Variants in FREM3 observed in about 807,000 individuals in gnomAD.
FREM3 encodes FRAS1 related extracellular matrix 3.
FREM3 carries 105 observed loss-of-function variants against 129.1 expected under a neutral mutation model. The observed-to-expected ratio is 0.81, with a 90% CI of 0.69 to 0.96. FREM3 has a LOEUF of 0.96. Among genes scored for constraint, FREM3 ranks in the 40% least tolerant of loss-of-function variants. The pLI is 0.00. For synonymous variants in FREM3, 1,014 were observed against 1,044.9 expected, an observed-to-expected ratio of 0.97 and a Z score of 0.57; for missense variants, 2,593 against 2,666.3, an observed-to-expected ratio of 0.97 and a Z score of 0.61.
chr4:143,643,544 T>C (rs1391622010), intron 2 of FREM3, among the ~76,000 whole-genome samples: 1 of 151,982 alleles, frequency 6.6e-6, no homozygotes, highest in Non-Finnish European at 1.5e-5. Context: ...TCATGTTAAG[T>C]GAAATAAACC....
intron 2 of FREM3, among the ~76,000 whole-genome samples, chr4:143,662,211 C>T (rs571396782): frequency 1.3e-5 from 2 of 152,160 alleles, no homozygotes; most frequent in Non-Finnish European, 2.9e-5. Flanking sequence ...TTCCTGCTTT[C>T]TCTTGTGGGC....
intron 2 of FREM3, among the ~76,000 whole-genome samples, chr4:143,634,569 A>G (rs987597991): frequency 6.6e-6 from 1 of 152,104 alleles, no homozygotes; most frequent in Non-Finnish European, 1.5e-5. Flanking sequence ...AGCCAGAAGC[A>G]AGATGGAGGA....
intron 6 of FREM3, among the ~76,000 whole-genome samples, chr4:143,592,141 C>T (rs1410625217): frequency 5.9e-5 from 9 of 152,110 alleles, no homozygotes; most frequent in South Asian, 2.1e-4. Flanking sequence ...TGTCTCTGCA[C>T]GTGAGATGGG....
chr4:143,627,676 T>G lies in FREM3; in HGVS notation c.5360A>C (p.Asp1787Ala). The change falls in exon 3 of 8, where the codon GAT becomes GCT. Residue 1787 changes from aspartate (D) to alanine (A), a missense_variant. This residue lies in a region of FREM3 where 2,276 missense variants were observed against 2,267.2 expected (regional missense o/e 1.00). Coordinates refer to ENST00000329798, the MANE Select transcript of FREM3 (RefSeq NM_001168235.2). Reference sequence around the variant, plus strand: ...AAGGGTCACTTCTAAGAATGTGGAATCTTCATCCACAATGTAGTACTCTTT... The same window carrying G: ...AAGGGTCACTTCTAAGAATGTGGAAGCTTCATCCACAATGTAGTACTCTTT... ...LEKEYYIVDE[D>A]STFLEVTLTR... The G allele has an allele frequency of 6.5e-7, 1 of 1,530,624 alleles. No individual in the cohort carries two copies. Among genetic ancestry groups the G allele is most frequent in the Non-Finnish European group, 8.8e-7 (1 of 1,140,842 alleles). The allele number at this position is 1,530,624 out of a possible 1,614,324, so 94.8% of individuals were successfully genotyped here. A position where few individuals can be genotyped will look rare whatever the true frequency, so the allele number is the denominator to read the frequency against.
intron 2 of FREM3, among the ~76,000 whole-genome samples, chr4:143,675,821 C>T (rs960552653): frequency 6.6e-6 from 1 of 152,210 alleles, no homozygotes; most frequent in Non-Finnish European, 1.5e-5. Flanking sequence ...CACACGTACA[C>T]CCTCCAAAGA....
At chr4:143,668,563 A>G (rs1415081098) in intron 2 of FREM3, among the ~76,000 whole-genome samples, 5 of 152,200 alleles carry the variant, frequency 3.3e-5, no homozygotes, top group African/African-American at 1.2e-4. Context: ...TCAATTCATG[A>G]AAGGGCTGAA....
At chr4:143,653,399 A>G (rs1739546055) in intron 2 of FREM3, among the ~76,000 whole-genome samples, 1 of 152,216 alleles carries the variant, frequency 6.6e-6, no homozygotes, top group Non-Finnish European at 1.5e-5. Flanking sequence ...CTTAGCTTTT[A>G]GAGGCTTCCG....
intron 2 of FREM3, among the ~76,000 whole-genome samples, chr4:143,638,664 A>G (rs1319597173): frequency 6.6e-6 from 1 of 152,044 alleles, no homozygotes; most frequent in African/African-American, 2.4e-5. Flanking sequence ...GGTAAAGACT[A>G]TGTTTGATCC....
chr4:143,587,446 T>C (rs1738262235), intron 6 of FREM3, among the ~76,000 whole-genome samples: 1 of 152,182 alleles, frequency 6.6e-6, no homozygotes, highest in Admixed American at 6.5e-5. Flanking sequence ...CATTCTTTCT[T>C]TTCTTTTTAA....
chr4:143,589,722 G>A lies in FREM3; in HGVS notation c.6029-3729C>T, dbSNP rs969747405. Among the ~76,000 whole-genome samples, 283 of 152,194 alleles carry A rather than the reference G, an allele frequency of 1.9e-3. 1 individual carries two copies. Among genetic ancestry groups the A allele is most frequent in the Non-Finnish European group, 3.3e-3 (227 of 67,990 alleles). On this transcript the variant is annotated intron_variant, in intron 6 of 7. Coordinates refer to ENST00000329798, the MANE Select transcript of FREM3 (RefSeq NM_001168235.2). ...TGGCTTAGGATTGACTTGGCGATGT[G>A]GGCTCTTTTTTGGTTCCATATGAAC...
chr4:143,683,587 G>A (rs1176596353), intron 2 of FREM3, among the ~76,000 whole-genome samples: 1 of 151,980 alleles, frequency 6.6e-6, no homozygotes, highest in African/African-American at 2.4e-5. Flanking sequence ...GAGAGGAGCA[G>A]GGGGAGAACT....
chr4:143,672,631 G>T (rs544387401), intron 2 of FREM3, among the ~76,000 whole-genome samples: 2 of 152,294 alleles, frequency 1.3e-5, no homozygotes, highest in South Asian at 4.1e-4. Flanking sequence ...GAATTTGAAT[G>T]TTGGCCTGTC....
rs1431786769 is a variant in FREM3, at chr4:143,700,640, G to GGGC, written c.33_35dup (p.Pro12dup). 1 of 1,438,574 alleles carries GGGC rather than the reference G, an allele frequency of 7.0e-7. No individual in the cohort carries two copies. Among genetic ancestry groups the GGGC allele is most frequent in the Admixed American group, 2.7e-5 (1 of 37,032 alleles). 89.1% of individuals were successfully genotyped at this position (1,438,574 alleles called of 1,614,324 possible). A position where few individuals can be genotyped will look rare whatever the true frequency, so the allele number is the denominator to read the frequency against. On this transcript the variant is annotated inframe_insertion, in exon 1 of 8. Transcript: ENST00000329798. ...AGGCGAGCGCCACAAGGAGCTGCCG[G>GGGC]GGCGTCCCAGTCGGGTGCCGAGAAG...
At chr4:143,679,715 A>T (rs4835554) in intron 2 of FREM3, among the ~76,000 whole-genome samples, 10,022 of 152,164 alleles carry the variant, frequency 0.066, 896 homozygotes, top group African/African-American at 0.19. Flanking sequence ...GGTGAGCCTT[A>T]TCTGCTCCAT....
At chr4:143,671,384 C>G (rs542355503) in intron 2 of FREM3, among the ~76,000 whole-genome samples, 1 of 152,056 alleles carries the variant, frequency 6.6e-6, no homozygotes, top group Non-Finnish European at 1.5e-5. Context: ...AATATTTAGG[C>G]CATAGATAAA....
intron 2 of FREM3, among the ~76,000 whole-genome samples, chr4:143,664,922 G>T (rs540243091): frequency 6.6e-6 from 1 of 152,150 alleles, no homozygotes; most frequent in Non-Finnish European, 1.5e-5. Context: ...CTAGTGCACC[G>T]TTTTTTAAGC....
At chr4:143,627,883 T>A in intron 2 of FREM3, 123 bp from the exon 3 acceptor site, 1 of 667,186 alleles carries the variant, frequency 1.5e-6, no homozygotes, top group Non-Finnish European at 2.5e-6. Context: ...TATTTTATTT[T>A]ATTTTTTTGG....
intron 2 of FREM3, among the ~76,000 whole-genome samples, chr4:143,635,121 T>A (rs2149844843): frequency 6.6e-6 from 1 of 152,240 alleles, no homozygotes; most frequent in South Asian, 2.1e-4. Context: ...TGTACTTCAA[T>A]GAGGGAGACA....
At chr4:143,615,451 C>T (rs944987073) in intron 5 of FREM3, among the ~76,000 whole-genome samples, 6 of 152,152 alleles carry the variant, frequency 3.9e-5, no homozygotes, top group Non-Finnish European at 8.8e-5. Flanking sequence ...CACAAGTCAC[C>T]TCATGCCCCA....
Sources: gnomAD v4.1 joint callset for allele counts (sites outside exome capture counted in the v4.1 genomes callset) on GRCh38, gnomAD v4.1.1 for gene constraint, gnomAD v4.1.1 regional missense constraint, MANE v1.5 for transcripts, NCBI Gene and HGNC (gene_info 2026-07-23, HGNC 2026-07-21) for gene names.